FOCAD: variants seen among roughly 807,000 people sequenced by gnomAD.
FOCAD encodes focadhesin.
Under a neutral mutation model 225.6 loss-of-function variants are expected in FOCAD, and 198 were observed. The ratio of observed to expected loss-of-function variants is 0.88; its 90% CI spans 0.78 to 0.99. FOCAD has a LOEUF of 0.99. FOCAD is among the 50% of genes least tolerant of loss of function. The pLI is 0.00. For synonymous variants in FOCAD, 897 were observed against 755.0 expected (o/e 1.19, Z -3.08); for missense variants, 2,713 against 2,123.6 (o/e 1.28, Z -5.46).
At chr9:20,784,812 T>G (rs187889416) in intron 10 of FOCAD, among the ~76,000 whole-genome samples, 34 of 152,358 alleles carry the variant, frequency 2.2e-4, no homozygotes, top group Admixed American at 1.8e-3. Flanking sequence ...GAATTGTCAT[T>G]GTCCTACTTA....
intron 1 of FOCAD, among the ~76,000 whole-genome samples, chr9:20,705,918 T>G (rs1031829114): frequency 2.1e-5 from 3 of 144,120 alleles, no homozygotes; most frequent in African/African-American, 7.8e-5. Context: ...CATTATTCAG[T>G]TTTAAGTTTT....
At chr9:20,922,478 C>T (rs1564155887) in intron 24 of FOCAD, among the ~76,000 whole-genome samples, 1 of 152,140 alleles carries the variant, frequency 6.6e-6, no homozygotes, top group African/African-American at 2.4e-5. Flanking sequence ...TCCTGAGTCC[C>T]ATTCTTACCA....
In FOCAD at chr9:20,992,876, T is replaced by G. The variant is rs149379899; in HGVS notation, c.5257-377T>G. Among the ~76,000 whole-genome samples the G allele has an allele frequency of 2.2e-3, 337 of 151,912 alleles. 9 individuals carry two copies. The East Asian group carries it at 0.043, about 19-fold the overall frequency. On this transcript the variant is annotated intron_variant, in intron 42 of 43. Transcript: ENST00000338382. ...TGCTCTGGAGGCTGAGGCAGGAGAA[T>G]CACTTGAACCCAGGAGGCAGAGGTT...
chr9:20,770,183 G>A lies in FOCAD; in HGVS notation c.851G>A (p.Gly284Asp), dbSNP rs1353264423. 1.2e-6 allele frequency: 2 copies of A among 1,614,052 alleles called. No individual in the cohort carries two copies. The highest frequency in any genetic ancestry group is 1.7e-6 in the Non-Finnish European group (2 of 1,179,996). ...CVSEVSLKIT[G>D]ECSSSIHLLE... is the part of the protein sequence containing the mutation. ...AGTGAAGTCAGCTTAAAGATAACTGGTGAATGTTCATCTTCAATTCACCTT... is the reference window on the plus strand; with the variant it reads ...AGTGAAGTCAGCTTAAAGATAACTGATGAATGTTCATCTTCAATTCACCTT... Residue 284 changes from glycine (G) to aspartate (D), a missense_variant, in exon 8 of 44, where the codon GGT becomes GAT. Transcript: ENST00000338382.
intron 41 of FOCAD, among the ~76,000 whole-genome samples, chr9:20,989,223 G>A (rs943227072): frequency 1.3e-5 from 2 of 152,138 alleles, no homozygotes; most frequent in Admixed American, 1.3e-4. Context: ...CTGAAGAGTT[G>A]TATGTCTTTT....
chr9:20,746,298 C>T (rs1165187734), intron 5 of FOCAD, among the ~76,000 whole-genome samples: 3 of 152,082 alleles, frequency 2.0e-5, no homozygotes, highest in African/African-American at 7.2e-5. Context: ...AGAAGCTTGG[C>T]ACATGAGAGG....
chr9:20,711,059 A>G (rs887121594), intron 1 of FOCAD, among the ~76,000 whole-genome samples: 2 of 152,226 alleles, frequency 1.3e-5, no homozygotes, highest in Non-Finnish European at 2.9e-5. Context: ...AAAGATTTCT[A>G]GTCCTGATAC....
At chr9:20,877,165 C>T (rs962070846) in intron 19 of FOCAD, among the ~76,000 whole-genome samples, 1 of 151,676 alleles carries the variant, frequency 6.6e-6, no homozygotes, top group Non-Finnish European at 1.5e-5. Flanking sequence ...GGTTTTCTCC[C>T]CCAGTATATA....
At chr9:20,991,812 C>CAAAAAAA (rs58403366) in intron 42 of FOCAD, among the ~76,000 whole-genome samples, 1 of 105,984 alleles carries the variant, frequency 9.4e-6, no homozygotes, top group African/African-American at 3.7e-5. Context: ...GACTCTGTCT[C>CAAAAAAA]AAAAAAAAAA....
At chr9:20,870,741 GT>G (rs1166609439) in intron 18 of FOCAD, among the ~76,000 whole-genome samples, 1 of 152,122 alleles carries the variant, frequency 6.6e-6, no homozygotes, top group African/African-American at 2.4e-5. Flanking sequence ...TAATGTAAGT[GT>G]TCTGAGCACA....
intron 8 of FOCAD, among the ~76,000 whole-genome samples, chr9:20,777,270 G>C (rs1215832938): frequency 6.8e-6 from 1 of 147,804 alleles, no homozygotes; most frequent in Non-Finnish European, 1.5e-5. Flanking sequence ...TTAACATGTG[G>C]CTCTAACTTA....
rs1021562731 is a variant in FOCAD at position 20,841,988 on chromosome 9, T to C, written c.1920+18873T>C. ...TGTTTCAAGAAATTTAAAAATTTCC[T>C]TCTTAGTTTCTTTATTGACCCCACT... On this transcript the variant is annotated intron_variant, in intron 15 of 43. Coordinates refer to ENST00000338382, the MANE Select transcript of FOCAD (RefSeq NM_001375567.1). 3.3e-5 allele frequency among the ~76,000 whole-genome samples: 5 copies of C among 152,014 alleles called. No homozygotes were observed. In the South Asian group the frequency reaches 8.3e-4, roughly 25 times the overall value.
intron 34 of FOCAD, among the ~76,000 whole-genome samples, chr9:20,951,496 C>T (rs369269103): frequency 1.8e-4 from 28 of 152,044 alleles, no homozygotes; most frequent in African/African-American, 6.5e-4. Context: ...GTCCTTAAAG[C>T]TTGGAACAGA....
rs573354260 is a variant in FOCAD, at chr9:20,924,276, G to A, written c.2961+508G>A. Among the ~76,000 whole-genome samples, 10 of 152,136 alleles carry A rather than the reference G, an allele frequency of 6.6e-5. No individual in the cohort carries two copies. In the South Asian group the frequency reaches 1.9e-3, roughly 28 times the overall value. On this transcript the variant is annotated intron_variant, in intron 25 of 43. Coordinates refer to ENST00000338382, the MANE Select transcript of FOCAD (RefSeq NM_001375567.1). The stretch of plus-strand genomic sequence containing the variant: ...AATTCATATCTGTCTAAATAAAAAG[G>A]CATGGATTTATTCTTGTTTTAAGTC...
intron 24 of FOCAD, among the ~76,000 whole-genome samples, chr9:20,921,601 A>C (rs1834441047): frequency 6.6e-6 from 1 of 152,190 alleles, no homozygotes; most frequent in Non-Finnish European, 1.5e-5. Flanking sequence ...ACCTTTGTGA[A>C]ATGTGTAATT....
chr9:20,863,846 G>A (rs1181396021), intron 16 of FOCAD, among the ~76,000 whole-genome samples: 1 of 152,084 alleles, frequency 6.6e-6, no homozygotes, highest in Non-Finnish European at 1.5e-5. Context: ...CTTGTACCTT[G>A]AGTTAATCAG....
chr9:20,795,677 G>A (rs1384195620), intron 11 of FOCAD, among the ~76,000 whole-genome samples: 2 of 150,910 alleles, frequency 1.3e-5, no homozygotes, highest in Non-Finnish European at 3.0e-5. Context: ...CCAGCTACTC[G>A]GGAGTCTGAG....
rs570065900 is a variant in FOCAD, at chr9:20,719,913, A to G, written c.133-467A>G. On this transcript the variant is annotated intron_variant, in intron 3 of 43. Coordinates refer to ENST00000338382, the MANE Select transcript of FOCAD (RefSeq NM_001375567.1). Reference sequence around the variant, plus strand: ...GGCAAGGGCATTGTGGGTGGTGGTAAGGTGCATGTAGGTGATAGAGGTTGG... The same window carrying G: ...GGCAAGGGCATTGTGGGTGGTGGTAGGGTGCATGTAGGTGATAGAGGTTGG... Among the ~76,000 whole-genome samples, 6 of 151,526 alleles carry G rather than the reference A, an allele frequency of 4.0e-5. No homozygotes were observed. In the East Asian group the frequency reaches 1.2e-3, roughly 30 times the overall value.
chr9:20,831,078 G>A (rs532910576), intron 15 of FOCAD, among the ~76,000 whole-genome samples: 1 of 151,856 alleles, frequency 6.6e-6, no homozygotes, highest in East Asian at 1.9e-4. Flanking sequence ...TTTTTTTTAT[G>A]GACAGCCTTT....
Sources: gnomAD v4.1 joint callset for allele counts (sites outside exome capture counted in the v4.1 genomes callset) on GRCh38, gnomAD v4.1.1 for gene constraint, MANE v1.5 for transcripts, NCBI Gene and HGNC (gene_info 2026-07-23, HGNC 2026-07-21) for gene names.